Variants in RUFY4 observed in about 807,000 individuals in gnomAD.
RUFY4 encodes the protein RUN and FYVE domain containing 4.
A neutral mutation model predicts 69.0 loss-of-function variants in RUFY4; 73 were observed. That is an observed-to-expected ratio of 1.06 (90% CI 0.88 to 1.29). RUFY4 has a LOEUF of 1.29. Among genes scored for constraint, RUFY4 ranks in the 50% most tolerant of loss-of-function variants. The pLI is 0.00. For missense variants in RUFY4, 770 were observed against 705.6 expected (o/e 1.09, Z -1.03); for synonymous variants, 287 against 271.8 (o/e 1.06, Z -0.55).
At chr2:218,049,311 G>C (rs961596170) in intron 2 of RUFY4, among the ~76,000 whole-genome samples, 1 of 152,070 alleles carries the variant, frequency 6.6e-6, no homozygotes, top group Non-Finnish European at 1.5e-5. Context: ...TTTTTGCCTG[G>C]GAAAGTCTCT....
intron 3 of RUFY4, chr2:218,059,252 T>C (rs1689129661): frequency 6.6e-6 from 1 of 152,454 alleles, no homozygotes; most frequent in Non-Finnish European, 1.5e-5. Flanking sequence ...AGGTGTTTTC[T>C]TTTTAATTGA....
intron 9 of RUFY4, among the ~76,000 whole-genome samples, chr2:218,087,863 G>A (rs1185043369): frequency 6.6e-6 from 1 of 152,038 alleles, no homozygotes; most frequent in Non-Finnish European, 1.5e-5. Context: ...GTAGCCAATA[G>A]AGGAACCAAA....
At chr2:218,060,615 C>G in intron 3 of RUFY4, 1 of 1,349,310 alleles carries the variant, frequency 7.4e-7, no homozygotes, top group East Asian at 2.3e-5. Flanking sequence ...CCAGCAGGAC[C>G]AGGTTGTAGG....
chr2:218,067,578 C>G (rs1174266274), upstream of RUFY4, among the ~76,000 whole-genome samples: 1 of 152,196 alleles, frequency 6.6e-6, no homozygotes, highest in Non-Finnish European at 1.5e-5. Flanking sequence ...TCAGGGCACA[C>G]CAGCTGGGAT....
At chr2:218,083,120 G>C in exon 9 of RUFY4, 1 of 1,613,196 alleles carries the variant, frequency 6.2e-7, no homozygotes, top group Non-Finnish European at 8.5e-7. Context: ...GTGTCAGGAA[G>C]AGAGAGCCGA....
chr2:218,083,645 G>A (rs1020277536), intron 9 of RUFY4, among the ~76,000 whole-genome samples: 19 of 151,952 alleles, frequency 1.3e-4, no homozygotes, highest in African/African-American at 4.4e-4. Context: ...CTACTCAGGG[G>A]GCTGAGGCAA....
chr2:218,083,176 G>A (rs750195455), exon 9 of RUFY4: 6 of 1,613,590 alleles, frequency 3.7e-6, no homozygotes, highest in African/African-American at 1.3e-5. Context: ...CTGAGAGGAG[G>A]GATGCCATGT....
chr2:218,074,830 T>C (rs1277872154), intron 6 of RUFY4, among the ~76,000 whole-genome samples: 1 of 152,090 alleles, frequency 6.6e-6, no homozygotes, highest in South Asian at 2.1e-4. Flanking sequence ...AAGACCCAGG[T>C]GCAGGAGGGA....
rs780387038 is a variant in RUFY4 at position 218,089,366 on chromosome 2, A to G, written c.1613+4A>G. The G allele has an allele frequency of 4.3e-6, 7 of 1,612,618 alleles. No homozygotes were observed. The East Asian group carries it at 1.3e-4, about 31-fold the overall frequency. The stretch of plus-strand genomic sequence containing the variant: ...TTTCTCGGCGGTATCCATGCAGGTA[A>G]AGGGAAGGGCACAGAATCCTCCCTC... On this transcript the variant is annotated splice_donor_region_variant and intron_variant, in intron 10 of 10. Coordinates refer to ENST00000344321, the Ensembl canonical transcript of RUFY4.
At chr2:218,068,808 G>A (rs1689409678), upstream of RUFY4, 1 of 152,566 alleles carries the variant, frequency 6.6e-6, no homozygotes, top group Admixed American at 6.5e-5. Context: ...CAGCACTCAG[G>A]TGGACCGCTC....
At chr2:218,060,980 G>T (rs1574501501) in intron 3 of RUFY4, 4 of 802,316 alleles carry the variant, frequency 5.0e-6, no homozygotes, top group Middle Eastern at 2.3e-4. Context: ...CATGGACAAT[G>T]GCCAGGTAAC....
At chr2:218,044,064 C>G (rs1181120474) in intron 2 of RUFY4, among the ~76,000 whole-genome samples, 1 of 152,214 alleles carries the variant, frequency 6.6e-6, no homozygotes, top group Non-Finnish European at 1.5e-5. Context: ...GGGGAGAGAC[C>G]AGGCAGCAGG....
Position 218,056,914 on chromosome 2 carries a change from C to T in RUFY4, c.-1157-1681C>T, listed in dbSNP as rs138821632. 6.9e-3 allele frequency among the ~76,000 whole-genome samples: 1,056 copies of T among 152,084 alleles called. 10 individuals are homozygous for T. The highest frequency in any genetic ancestry group is 0.024 in the African/African-American group (992 of 41,466). ...AAACCTGGTCAACATGGTGAAACCC[C>T]GTCTCTACTAAAAATTAGCCAGGCA... On this transcript the variant is annotated intron_variant and NMD_transcript_variant, in intron 2 of 13. Transcript: ENST00000457754.
chr2:218,086,337 T>C (rs147245833), intron 9 of RUFY4, among the ~76,000 whole-genome samples: 5 of 152,306 alleles, frequency 3.3e-5, no homozygotes, highest in East Asian at 1.9e-4. Context: ...ATCTTCAGAT[T>C]TGAAGATTTC....
At chr2:218,062,337 C>T (rs1329401443) in intron 3 of RUFY4, among the ~76,000 whole-genome samples, 2 of 147,360 alleles carry the variant, frequency 1.4e-5, no homozygotes, top group African/African-American at 2.5e-5. Context: ...ACCCAGGAGG[C>T]GGAGCTTGTA....
chr2:218,060,687 C>T, intron 3 of RUFY4: 1 of 1,337,210 alleles, frequency 7.5e-7, no homozygotes, highest in Non-Finnish European at 1.1e-6. Context: ...TCCAGTGCTT[C>T]TGCCCCATAT....
intron 8 of RUFY4, among the ~76,000 whole-genome samples, chr2:218,081,898 CAT>C (rs1000611208): frequency 1.3e-5 from 2 of 152,218 alleles, no homozygotes; most frequent in African/African-American, 4.8e-5. Flanking sequence ...TTTAAAATTA[CAT>C]GTTCAATTCA....
intron 6 of RUFY4, 148 bp from the exon 9 acceptor site, chr2:218,074,945 G>C (rs1689587153): frequency 2.3e-6 from 2 of 860,912 alleles, no homozygotes; most frequent in Admixed American, 3.1e-5. Flanking sequence ...GTCAGATTTG[G>C]GGTTTGATAA....
upstream of RUFY4, among the ~76,000 whole-genome samples, chr2:218,065,106 A>G (rs920896849): frequency 6.6e-6 from 1 of 152,126 alleles, no homozygotes; most frequent in Admixed American, 6.5e-5. Context: ...CATCTTTGTG[A>G]GATGAGAGGG....
Sources: allele counts gnomAD v4.1 joint callset (sites outside exome capture counted in the v4.1 genomes callset), GRCh38; gene constraint gnomAD v4.1.1; transcripts MANE v1.5; gene names NCBI Gene and HGNC (gene_info 2026-07-23, HGNC 2026-07-21).